KCNH7: variants seen among roughly 807,000 people sequenced by gnomAD.
KCNH7 encodes voltage-gated inwardly rectifying potassium channel KCNH7.
Under a neutral mutation model 120.8 loss-of-function variants are expected in KCNH7, and 49 were observed. The observed-to-expected ratio is 0.41, with a 90% confidence interval of 0.32 to 0.51. The LOEUF is 0.51. Ranked by LOEUF, KCNH7 falls within the 20% of genes least tolerant of loss-of-function variation. The pLI is 0.38. For synonymous variants in KCNH7, 547 were observed against 516.1 expected, an observed-to-expected ratio of 1.06 and a Z score of -0.81; for missense variants, 1,097 against 1,446.6, an observed-to-expected ratio of 0.76 and a Z score of 3.92.
intron 2 of KCNH7, among the ~76,000 whole-genome samples, chr2:162,640,512 G>T (rs1684116353): frequency 6.6e-6 from 1 of 151,074 alleles, no homozygotes; most frequent in African/African-American, 2.5e-5. Flanking sequence ...AAAAAAAAAT[G>T]AAATTTGACC....
rs150134282 is a variant in KCNH7 at position 162,409,687 on chromosome 2, C to T, written c.2155-9246G>A. On this transcript the variant is annotated intron_variant, in intron 9 of 15. Transcript: ENST00000332142. Reference sequence around the variant, plus strand: ...GATTCTGTATCTAGAAAATGCTATACACTCCAACAGAATACTTCTAGGTTT... The same window carrying T: ...GATTCTGTATCTAGAAAATGCTATATACTCCAACAGAATACTTCTAGGTTT... Among the ~76,000 whole-genome samples, 841 of 151,990 alleles carry T rather than the reference C, an allele frequency of 5.5e-3. 7 individuals are homozygous for T. The highest frequency in any genetic ancestry group is 0.017 in the African/African-American group (716 of 41,520).
chr2:162,625,531 G>A (rs1203332083), intron 2 of KCNH7, among the ~76,000 whole-genome samples: 1 of 152,076 alleles, frequency 6.6e-6, no homozygotes, highest in East Asian at 1.9e-4. Context: ...CAGCATCAGG[G>A]CCCAGGCAGC....
At chr2:162,621,787 A>G (rs759031464) in intron 2 of KCNH7, among the ~76,000 whole-genome samples, 4 of 152,308 alleles carry the variant, frequency 2.6e-5, no homozygotes, top group Non-Finnish European at 5.9e-5. Flanking sequence ...ATACAAAGTA[A>G]CCATTGACTT....
At chr2:162,670,492 A>G (rs527371067) in intron 2 of KCNH7, among the ~76,000 whole-genome samples, 21 of 144,906 alleles carry the variant, frequency 1.4e-4, no homozygotes, top group African/African-American at 5.3e-4. Context: ...AAAAAAAAAA[A>G]GAAAAATATT....
chr2:162,473,054 C>T (rs2105652770), intron 6 of KCNH7, among the ~76,000 whole-genome samples: 1 of 151,922 alleles, frequency 6.6e-6, no homozygotes, highest in Middle Eastern at 3.4e-3. Flanking sequence ...GGGAACACCA[C>T]ACACCGGGGC....
intron 11 of KCNH7, among the ~76,000 whole-genome samples, chr2:162,395,811 G>A (rs934204416): frequency 5.3e-5 from 8 of 151,644 alleles, no homozygotes; most frequent in South Asian, 2.1e-4. Flanking sequence ...GCCTCTCATG[G>A]TACTTGGGAA....
chr2:162,627,328 C>T (rs1210792172), intron 2 of KCNH7, among the ~76,000 whole-genome samples: 2 of 152,146 alleles, frequency 1.3e-5, no homozygotes, highest in Non-Finnish European at 2.9e-5. Flanking sequence ...AAAATAGCAT[C>T]TCTGACCCAG....
chr2:162,535,762 G>C (rs1358363392), intron 3 of KCNH7, among the ~76,000 whole-genome samples: 2 of 151,568 alleles, frequency 1.3e-5, no homozygotes, highest in Non-Finnish European at 3.0e-5. Context: ...AATAATAAGG[G>C]ATCATGGTAT....
intron 2 of KCNH7, among the ~76,000 whole-genome samples, chr2:162,675,764 G>T (rs1054069943): frequency 6.6e-6 from 1 of 151,504 alleles, no homozygotes; most frequent in Admixed American, 6.6e-5. Flanking sequence ...GACTACTTAA[G>T]CTGAGTAGTG....
intron 6 of KCNH7, among the ~76,000 whole-genome samples, chr2:162,486,217 C>T (rs1690090574): frequency 6.6e-6 from 1 of 152,176 alleles, no homozygotes. Flanking sequence ...ATTAAAGTGA[C>T]ATCCTTGCTA....
intron 6 of KCNH7, among the ~76,000 whole-genome samples, chr2:162,478,355 G>T (rs1407974818): frequency 2.0e-5 from 3 of 152,134 alleles, no homozygotes; most frequent in Non-Finnish European, 2.9e-5. Flanking sequence ...TTTCCAGCAA[G>T]TATTTGTGAT....
chr2:162,504,690 A>G (rs1455546519), intron 5 of KCNH7, 33 bp from the exon 6 acceptor site: 3 of 1,326,314 alleles, frequency 2.3e-6, no homozygotes, highest in Non-Finnish European at 3.2e-6. Flanking sequence ...TAAGAGTAAT[A>G]TAAGAAGATA....
intron 2 of KCNH7, among the ~76,000 whole-genome samples, chr2:162,629,642 C>A (rs1281886947): frequency 6.6e-6 from 1 of 152,014 alleles, no homozygotes; most frequent in African/African-American, 2.4e-5. Context: ...GTCACCTTTG[C>A]TCACACAAGC....
intron 2 of KCNH7, among the ~76,000 whole-genome samples, chr2:162,793,726 G>A (rs1684038650): frequency 6.6e-6 from 1 of 151,990 alleles, no homozygotes; most frequent in Non-Finnish European, 1.5e-5. Context: ...AGGGAACAGG[G>A]ATTGGGAGGA....
At chr2:162,823,617 T>C (rs1171866962) in intron 2 of KCNH7, among the ~76,000 whole-genome samples, 1 of 152,202 alleles carries the variant, frequency 6.6e-6, no homozygotes, top group Non-Finnish European at 1.5e-5. Context: ...CTTCATAGTA[T>C]AATAATGTCA....
At chr2:162,671,739 GA>G (rs1277827514) in intron 2 of KCNH7, among the ~76,000 whole-genome samples, 1 of 149,248 alleles carries the variant, frequency 6.7e-6, no homozygotes, top group Non-Finnish European at 1.5e-5. Context: ...TTCAAAAAGA[GA>G]AAAAAAAGAA....
intron 2 of KCNH7, among the ~76,000 whole-genome samples, chr2:162,830,609 T>C (rs1165766577): frequency 6.6e-6 from 1 of 152,184 alleles, no homozygotes; most frequent in Non-Finnish European, 1.5e-5. Context: ...GGTTTGAATG[T>C]AGTGTTCCTT....
At chr2:162,721,629 T>C (rs964958950) in intron 2 of KCNH7, among the ~76,000 whole-genome samples, 1 of 152,156 alleles carries the variant, frequency 6.6e-6, no homozygotes, top group Non-Finnish European at 1.5e-5. Flanking sequence ...AGCCATTCTT[T>C]CTTACTGGCC....
At chr2:162,620,609 A>T (rs1171393084) in intron 2 of KCNH7, among the ~76,000 whole-genome samples, 1 of 152,164 alleles carries the variant, frequency 6.6e-6, no homozygotes, top group African/African-American at 2.4e-5. Context: ...CATAGTTTTG[A>T]AATCTTTCAT....
Sources: gnomAD v4.1 joint callset for allele counts (sites outside exome capture counted in the v4.1 genomes callset) on GRCh38, gnomAD v4.1.1 for gene constraint, MANE v1.5 for transcripts, NCBI Gene and HGNC (gene_info 2026-07-23, HGNC 2026-07-21) for gene names.